TMEM132E: variants seen among roughly 807,000 people sequenced by gnomAD.
The protein encoded by TMEM132E is transmembrane protein 132E.
In TMEM132E, 49 loss-of-function variants were observed where a neutral mutation model predicts 78.5. That is an observed-to-expected ratio of 0.62 (90% CI 0.50 to 0.79). The LOEUF is 0.79. Ranked by LOEUF, TMEM132E falls within the 30% of genes least tolerant of loss-of-function variation. TMEM132E has a pLI of 0.00. For missense variants in TMEM132E, 1,403 were observed against 1,470.9 expected, an observed-to-expected ratio of 0.95 and a Z score of 0.75; for synonymous variants, 715 against 670.6, an observed-to-expected ratio of 1.07 and a Z score of -1.02.
Position 34,637,209 on chromosome 17 carries a change from T to A in TMEM132E, c.2202T>A (p.Ser734Arg), listed in dbSNP as rs753785808. 6.2e-7 allele frequency: 1 copy of A among 1,610,276 alleles called. No homozygotes were observed. Among genetic ancestry groups the A allele is most frequent in the African/African-American group, 1.3e-5 (1 of 74,864 alleles). The change falls in exon 9 of 9, where the codon AGT (serine) becomes AGA (arginine). Residue 734 changes from serine (S) to arginine (R), a missense_variant. Around this residue, in one of 3 missense-constraint regions of TMEM132E, gnomAD observed 888 missense variants for 952.8 expected, o/e 0.93. Coordinates refer to ENST00000631683, the MANE Select transcript of TMEM132E (RefSeq NM_001304438.2). ...TACTGAGCCTCTGGCTCTCCTACAG[T>A]GATGGCACCACAGCCCCACTCTCCC... ...EALLSLWLSY[S>R]DGTTAPLSLY...
chr17:34,638,014 G>C lies in TMEM132E; in HGVS notation c.3007G>C (p.Ala1003Pro), dbSNP rs748905055. Residue 1003 changes from alanine (A) to proline (P), a missense_variant, in exon 9 of 9, where the codon GCC becomes CCC. Around this residue, in one of 3 missense-constraint regions of TMEM132E, gnomAD observed 888 missense variants for 952.8 expected, o/e 0.93. Coordinates refer to ENST00000631683, the MANE Select transcript of TMEM132E (RefSeq NM_001304438.2). ...GSARDQAEDP[A>P]SSPTSKRKRV... ...AGCCCGAGACCAAGCCGAGGACCCC[G>C]CCAGCTCGCCCACCTCCAAGCGCAA... is the stretch of plus-strand genomic sequence containing the variant. 7 of 1,577,352 alleles carry C rather than the reference G, an allele frequency of 4.4e-6. No individual in the cohort carries two copies. Among genetic ancestry groups the C allele is most frequent in the African/African-American group, 1.3e-5 (1 of 74,334 alleles).
intron 1 of TMEM132E, among the ~76,000 whole-genome samples, chr17:34,603,817 G>A (rs778099906): frequency 3.0e-4 from 45 of 152,162 alleles, no homozygotes; most frequent in Admixed American, 2.2e-3. Context: ...CATACTCACT[G>A]TCCCAGCTGC....
At chr17:34,617,988 T>C (rs538898998) in intron 1 of TMEM132E, among the ~76,000 whole-genome samples, 1 of 152,346 alleles carries the variant, frequency 6.6e-6, no homozygotes, top group East Asian at 1.9e-4. Flanking sequence ...GTTTACATCT[T>C]TGTACATAAA....
rs1907549858 is a variant in TMEM132E, at chr17:34,637,206, C to T, written c.2199C>T (p.Tyr733=). Reference sequence around the variant, plus strand: ...CCCTACTGAGCCTCTGGCTCTCCTACAGTGATGGCACCACAGCCCCACTCT... The same window carrying T: ...CCCTACTGAGCCTCTGGCTCTCCTATAGTGATGGCACCACAGCCCCACTCT... The part of the protein sequence containing the change: ...QEALLSLWLS[Y]SDGTTAPLSL... Residue 733 remains tyrosine (Y), a synonymous_variant, in exon 9 of 9, where the codon TAC becomes TAT. Transcript: ENST00000631683. 1 of 1,610,078 alleles carries T rather than the reference C, an allele frequency of 6.2e-7. No homozygotes were observed. Among genetic ancestry groups the T allele is most frequent in the African/African-American group, 1.3e-5 (1 of 75,020 alleles).
Position 34,613,211 on chromosome 17 carries a change from A to ACACACACACACGCGCG in TMEM132E, c.68-12915_68-12914insACACACACACGCGCGC. Among the ~76,000 whole-genome samples the ACACACACACACGCGCG allele has an allele frequency of 6.0e-3, 696 of 115,920 alleles. 11 individuals are homozygous for ACACACACACACGCGCG. The highest frequency in any genetic ancestry group is 9.8e-3 in the Middle Eastern group (2 of 204). The allele number at this position is 115,920 out of a possible 152,430, so 76.0% of individuals were successfully genotyped here. On this transcript the variant is annotated intron_variant, in intron 1 of 8. Transcript: ENST00000631683. ...CACACACACACCCACACACACACAC[A>ACACACACACACGCGCG]CGCGCGCGCGCGCGCGTTCTTACAT...
rs767355812 is a variant in TMEM132E, at chr17:34,626,339, C to G, written c.280C>G (p.Leu94Val). Residue 94 changes from leucine (L) to valine (V), a missense_variant, in exon 2 of 9, where the codon CTG (leucine) becomes GTG (valine). Transcript: ENST00000631683. ...TKELPVLNVS[L>V]GPFSTSQVVA... ...GGAGCTGCCGGTCCTCAACGTCTCTCTGGGGCCCTTCAGCACCAGCCAGGT... is the reference window on the plus strand; with the variant it reads ...GGAGCTGCCGGTCCTCAACGTCTCTGTGGGGCCCTTCAGCACCAGCCAGGT... 1 of 1,613,072 alleles carries G rather than the reference C, an allele frequency of 6.2e-7. No homozygotes were observed. Among genetic ancestry groups the G allele is most frequent in the Non-Finnish European group, 8.5e-7 (1 of 1,179,648 alleles).
In TMEM132E at chr17:34,636,129, C is replaced by G; in HGVS notation, c.2100C>G (p.Pro700=). ...VVASLALSLR[P]SPGSSHTILA... Reference sequence around the variant, plus strand: ...CCAGCCTGGCCCTCTCCCTGCGGCCCAGCCCTGGGAGCAGCCACACCATCC... The same window carrying G: ...CCAGCCTGGCCCTCTCCCTGCGGCCGAGCCCTGGGAGCAGCCACACCATCC... The change falls in exon 8 of 9, where the codon CCC becomes CCG. Residue 700 remains proline, a synonymous_variant. Transcript: ENST00000631683. 1 of 1,592,364 alleles carries G rather than the reference C, an allele frequency of 6.3e-7. No individual in the cohort carries two copies. Among genetic ancestry groups the G allele is most frequent in the Non-Finnish European group, 8.5e-7 (1 of 1,170,388 alleles).
chr17:34,586,322 T>A (rs1905677033), intron 1 of TMEM132E, among the ~76,000 whole-genome samples: 2 of 152,294 alleles, frequency 1.3e-5, no homozygotes, highest in African/African-American at 4.8e-5. Flanking sequence ...CATAAATTTC[T>A]TTAAAATTTT....
chr17:34,613,383 C>G (rs1329533434), intron 1 of TMEM132E, among the ~76,000 whole-genome samples: 1 of 149,524 alleles, frequency 6.7e-6, no homozygotes, highest in African/African-American at 2.5e-5. Flanking sequence ...CCCCGCACTC[C>G]CCTCCCCCGC....
Position 34,634,974 on chromosome 17 carries a change from G to C in TMEM132E, c.1864G>C (p.Val622Leu). 6.2e-7 allele frequency: 1 copy of C among 1,614,174 alleles called. No individual in the cohort carries two copies. Among genetic ancestry groups the C allele is most frequent in the Non-Finnish European group, 8.5e-7 (1 of 1,180,042 alleles). Residue 622 changes from valine (V) to leucine (L), a missense_variant, in exon 7 of 9, where the codon GTG becomes CTG. Transcript: ENST00000631683. ...VVTMLGPDWL[V>L]EVTDLVSDFM... is the part of the protein sequence containing the mutation. The stretch of plus-strand genomic sequence containing the variant: ...CACCATGTTAGGCCCGGACTGGCTG[G>C]TGGAGGTCACCGACCTAGTCAGTGA...
chr17:34,599,209 C>T (rs1906153020), intron 1 of TMEM132E, among the ~76,000 whole-genome samples: 1 of 152,120 alleles, frequency 6.6e-6, no homozygotes, highest in Admixed American at 6.5e-5. Flanking sequence ...GGGGGGTTCC[C>T]CACAGCAAGA....
intron 1 of TMEM132E, 100 bp downstream of exon 1, chr17:34,581,243 C>A: frequency 9.1e-7 from 1 of 1,097,486 alleles, no homozygotes; most frequent in South Asian, 2.1e-5. Context: ...CCCCTGGACT[C>A]GCAGCCGCCA....
intron 1 of TMEM132E, among the ~76,000 whole-genome samples, chr17:34,621,409 T>C (rs915998126): frequency 3.7e-4 from 57 of 152,198 alleles, no homozygotes; most frequent in African/African-American, 1.2e-3. Context: ...ACCAGTCATA[T>C]TGGATTAGGG....
chr17:34,586,604 A>G (rs940277351), intron 1 of TMEM132E, among the ~76,000 whole-genome samples: 1 of 152,038 alleles, frequency 6.6e-6, no homozygotes, highest in Non-Finnish European at 1.5e-5. Context: ...AGGCATCATT[A>G]TCTCCTTTCT....
intron 1 of TMEM132E, among the ~76,000 whole-genome samples, chr17:34,601,592 G>A (rs1371886610): frequency 1.3e-5 from 2 of 152,236 alleles, no homozygotes; most frequent in Non-Finnish European, 2.9e-5. Context: ...ACCACACAGG[G>A]TGACAGTGAT....
chr17:34,604,494 G>A (rs894267586), intron 1 of TMEM132E, among the ~76,000 whole-genome samples: 3 of 152,080 alleles, frequency 2.0e-5, no homozygotes, highest in African/African-American at 2.4e-5. Flanking sequence ...AGCATCCAAG[G>A]CCCCTGTGAT....
At chr17:34,612,309 G>A (rs774997960) in intron 1 of TMEM132E, among the ~76,000 whole-genome samples, 11 of 152,322 alleles carry the variant, frequency 7.2e-5, no homozygotes, top group African/African-American at 2.6e-4. Flanking sequence ...TGGTCAATTC[G>A]GGGCTGAGGA....
intron 1 of TMEM132E, among the ~76,000 whole-genome samples, chr17:34,612,867 G>T (rs550731170): frequency 6.6e-5 from 10 of 152,080 alleles, no homozygotes; most frequent in South Asian, 4.1e-4. Flanking sequence ...CCGTCACTGG[G>T]GGGGGCAGTG....
chr17:34,629,851 G>T (rs1347597619), intron 4 of TMEM132E, among the ~76,000 whole-genome samples, 157 bp from the exon 5 acceptor site: 1 of 152,130 alleles, frequency 6.6e-6, no homozygotes, highest in East Asian at 1.9e-4. Flanking sequence ...GCCAGGAGGG[G>T]TGGTTGCCTA....
Sources: allele counts gnomAD v4.1 joint callset (sites outside exome capture counted in the v4.1 genomes callset), GRCh38; gene constraint gnomAD v4.1.1; regional missense constraint gnomAD v4.1.1; transcripts MANE v1.5; gene names NCBI Gene and HGNC (gene_info 2026-07-23, HGNC 2026-07-21).